The following SPOCK1 variants were observed in gnomAD, a reference collection of about 807,000 sequenced individuals.
SPOCK1 encodes testican-1.
In SPOCK1, 23 loss-of-function variants were observed where a neutral mutation model predicts 55.3. That is an observed-to-expected ratio of 0.42 (90% CI 0.30 to 0.59). SPOCK1 has a LOEUF of 0.59. SPOCK1 is among the 20% of genes least tolerant of loss of function. The probability of loss-of-function intolerance (pLI) is 0.22; values close to 1 mark genes in which losing one functional copy is unlikely to be tolerated. For synonymous variants in SPOCK1, 226 were observed against 221.0 expected, an observed-to-expected ratio of 1.02 and a Z score of -0.20; for missense variants, 499 against 552.5, an observed-to-expected ratio of 0.90 and a Z score of 0.97.
intron 3 of SPOCK1, among the ~76,000 whole-genome samples, chr5:137,236,290 C>A (rs577277194): frequency 6.6e-6 from 1 of 152,366 alleles, no homozygotes; most frequent in East Asian, 1.9e-4. Flanking sequence ...CAATCAGCAC[C>A]TTGCTGGCTG....
chr5:137,463,565 G>A (rs1247033930), intron 2 of SPOCK1, among the ~76,000 whole-genome samples: 1 of 151,492 alleles, frequency 6.6e-6, no homozygotes, highest in Non-Finnish European at 1.5e-5. Flanking sequence ...GTGGTTACTG[G>A]GTGCAAAAAA....
intron 2 of SPOCK1, among the ~76,000 whole-genome samples, chr5:137,368,535 C>T (rs1015651509): frequency 2.0e-5 from 3 of 152,210 alleles, no homozygotes. Context: ...GCCCCAAATA[C>T]AGCCAGCTAG....
chr5:137,189,589 A>G (rs1755138249), intron 3 of SPOCK1, among the ~76,000 whole-genome samples: 1 of 152,230 alleles, frequency 6.6e-6, no homozygotes, highest in South Asian at 2.1e-4. Flanking sequence ...TTCACAATGC[A>G]TCTGGTCATT....
intron 2 of SPOCK1, among the ~76,000 whole-genome samples, chr5:137,334,768 G>A (rs1482554639): frequency 6.6e-6 from 1 of 152,180 alleles, no homozygotes; most frequent in Non-Finnish European, 1.5e-5. Context: ...TCTTGCCCGA[G>A]GAGAAACACC....
chr5:137,422,653 T>TC (rs1356353414), intron 2 of SPOCK1, among the ~76,000 whole-genome samples: 1 of 152,246 alleles, frequency 6.6e-6, no homozygotes, highest in Non-Finnish European at 1.5e-5. Context: ...TTTAAGGACT[T>TC]CTCTGCATTG....
intron 3 of SPOCK1, among the ~76,000 whole-genome samples, chr5:137,150,694 G>A (rs555918774): frequency 6.6e-6 from 1 of 152,230 alleles, no homozygotes; most frequent in African/African-American, 2.4e-5. Flanking sequence ...CAGGTGTGGT[G>A]TATAAGGTTG....
At chr5:137,259,781 C>T (rs1367704971) in intron 3 of SPOCK1, among the ~76,000 whole-genome samples, 1 of 151,700 alleles carries the variant, frequency 6.6e-6, no homozygotes, top group Admixed American at 6.6e-5. Flanking sequence ...TTGATTTGAG[C>T]ACTTTCAACT....
chr5:137,449,675 G>T (rs1342001021), intron 2 of SPOCK1, among the ~76,000 whole-genome samples: 1 of 152,026 alleles, frequency 6.6e-6, no homozygotes, highest in East Asian at 1.9e-4. Context: ...GATGGCTTGA[G>T]CCCAGGAGTT....
intron 2 of SPOCK1, among the ~76,000 whole-genome samples, chr5:137,485,552 T>C (rs917987357): frequency 1.2e-4 from 18 of 152,224 alleles, no homozygotes; most frequent in Non-Finnish European, 5.9e-5. Flanking sequence ...GACCAGTGGA[T>C]TGCCACACCT....
intron 2 of SPOCK1, among the ~76,000 whole-genome samples, chr5:137,441,539 ATG>A (rs1370735667): frequency 6.6e-6 from 1 of 152,198 alleles, no homozygotes; most frequent in Non-Finnish European, 1.5e-5. Context: ...AAATGAGCAA[ATG>A]TGTATTTGCA....
chr5:137,135,116 G>A (rs1753956254), intron 4 of SPOCK1, among the ~76,000 whole-genome samples: 1 of 152,200 alleles, frequency 6.6e-6, no homozygotes, highest in Non-Finnish European at 1.5e-5. Flanking sequence ...AGGCTTCGAA[G>A]GGTACACTTA....
intron 6 of SPOCK1, among the ~76,000 whole-genome samples, chr5:137,012,980 A>G (rs1307094351): frequency 6.6e-6 from 1 of 152,246 alleles, no homozygotes; most frequent in East Asian, 1.9e-4. Flanking sequence ...AAAGCAGCTT[A>G]CAAAAGCATC....
chr5:137,108,837 G>T (rs549744491), intron 5 of SPOCK1, among the ~76,000 whole-genome samples: 1 of 152,152 alleles, frequency 6.6e-6, no homozygotes, highest in South Asian at 2.1e-4. Context: ...TTGCAAAGGG[G>T]TCTCCCCAAT....
intron 2 of SPOCK1, among the ~76,000 whole-genome samples, chr5:137,308,922 G>A (rs557796558): frequency 2.6e-5 from 4 of 152,214 alleles, no homozygotes; most frequent in East Asian, 3.9e-4. Context: ...GAGAGCAGAC[G>A]TTGAGAAGTA....
chr5:137,434,941 A>G (rs2149830194), intron 2 of SPOCK1, among the ~76,000 whole-genome samples: 1 of 152,172 alleles, frequency 6.6e-6, no homozygotes, highest in Middle Eastern at 3.4e-3. Flanking sequence ...TAAATGTTCA[A>G]AGAAGAAAAT....
chr5:136,985,272 C>T (rs1371479418), intron 8 of SPOCK1, 70 bp from the exon 9 acceptor site: 35 of 1,392,478 alleles, frequency 2.5e-5, no homozygotes, highest in Non-Finnish European at 3.5e-5. Flanking sequence ...TGACTTCACT[C>T]TTGATGTGAA....
chr5:137,140,101 G>C (rs982692917), intron 4 of SPOCK1, among the ~76,000 whole-genome samples: 40 of 152,238 alleles, frequency 2.6e-4, no homozygotes, highest in African/African-American at 9.1e-4. Flanking sequence ...GAGAAGGCAG[G>C]ACCCAAAAAC....
chr5:137,455,715 C>A (rs1000753635), intron 2 of SPOCK1, among the ~76,000 whole-genome samples: 11 of 152,092 alleles, frequency 7.2e-5, no homozygotes, highest in African/African-American at 2.4e-4. Flanking sequence ...TGTCAGCCAC[C>A]AGCTTTCTTC....
chr5:137,017,192 T>C (rs544158346), intron 6 of SPOCK1, among the ~76,000 whole-genome samples: 3 of 152,360 alleles, frequency 2.0e-5, no homozygotes, highest in African/African-American at 4.8e-5. Context: ...AGGCAGCACA[T>C]GTGGCTTCTG....
Sources: allele counts gnomAD v4.1 joint callset (sites outside exome capture counted in the v4.1 genomes callset), GRCh38; gene constraint gnomAD v4.1.1; transcripts MANE v1.5; gene names NCBI Gene and HGNC (gene_info 2026-07-23, HGNC 2026-07-21).